NLRP4: variants seen among roughly 807,000 people sequenced by gnomAD.
The protein encoded by NLRP4 is NACHT, LRR and PYD domains-containing protein 4.
A neutral mutation model predicts 84.7 loss-of-function variants in NLRP4; 44 were observed. The ratio of observed to expected loss-of-function variants is 0.52; its 90% confidence interval spans 0.41 to 0.67. The LOEUF (loss-of-function observed/expected upper bound fraction) is 0.67, where lower values mean the gene tolerates loss of function less well. Among genes scored for constraint, NLRP4 ranks in the 30% least tolerant of loss-of-function variants. The pLI, the probability that NLRP4 is intolerant of heterozygous loss-of-function variation, is 0.00. For synonymous variants in NLRP4, 544 were observed against 476.4 expected, an observed-to-expected ratio of 1.14 and a Z score of -1.85; for missense variants, 1,260 against 1,219.4, an observed-to-expected ratio of 1.03 and a Z score of -0.50.
Position 55,859,143 on chromosome 19 carries a change from G to A in NLRP4, c.1750G>A (p.Val584Met), listed in dbSNP as rs759792648. 2.5e-6 allele frequency: 4 copies of A among 1,613,722 alleles called. No individual in the cohort carries two copies. Among genetic ancestry groups the A allele is most frequent in the East Asian group, 2.2e-5 (1 of 44,868 alleles). ...AGCTAACTTTCATATTATTGACAAC[G>A]TGGACTTGGTGGTTTCTGCCTACTG... ...QEANFHIIDN[V>M]DLVVSAYCLK... The change falls in exon 3 of 10, where the codon GTG becomes ATG. Residue 584 changes from valine to methionine, a missense_variant. By Grantham distance (21) the Val-to-Met change is conservative (BLOSUM62 1). Coordinates refer to ENST00000301295, the MANE Select transcript of NLRP4 (RefSeq NM_134444.5).
At chr19:55,848,966 G>A (rs903479517) in intron 1 of NLRP4, among the ~76,000 whole-genome samples, 18 of 152,068 alleles carry the variant, frequency 1.2e-4, no homozygotes, top group Non-Finnish European at 2.6e-4. Flanking sequence ...TGTAAGATGT[G>A]CCTTTTGCCT....
intron 4 of NLRP4, among the ~76,000 whole-genome samples, 167 bp from the exon 5 acceptor site, chr19:55,861,825 C>T (rs1370102108): frequency 6.6e-6 from 1 of 152,186 alleles, no homozygotes; most frequent in Non-Finnish European, 1.5e-5. Context: ...ACACTGCCAG[C>T]TGTCCCTTGT....
chr19:55,865,971 A>G (rs773895501), intron 5 of NLRP4, among the ~76,000 whole-genome samples: 1 of 152,164 alleles, frequency 6.6e-6, no homozygotes, highest in African/African-American at 2.4e-5. Context: ...CTTTTGGTGC[A>G]ATTGCTACGA....
rs543572999 is a variant in NLRP4 at position 55,859,014 on chromosome 19, C to G, written c.1621C>G (p.Arg541Gly). ...IHQCLKSLGE[R>G]GNPQGQVDSL... ...CCAGTGCCTGAAGAGCTTAGGGGAG[C>G]GTGGCAATCCTCAGGGACAGGTGGA... The change falls in exon 3 of 10, where the codon CGT (arginine) becomes GGT (glycine). Residue 541 changes from arginine (R) to glycine (G), a missense_variant. Coordinates refer to ENST00000301295, the MANE Select transcript of NLRP4 (RefSeq NM_134444.5). 6.2e-7 allele frequency: 1 copy of G among 1,614,080 alleles called. No individual in the cohort carries two copies. The highest frequency in any genetic ancestry group is 8.5e-7 in the Non-Finnish European group (1 of 1,179,992).
At chr19:55,868,312 A>G (rs925908513) in intron 6 of NLRP4, among the ~76,000 whole-genome samples, 2 of 152,138 alleles carry the variant, frequency 1.3e-5, no homozygotes, top group Admixed American at 1.3e-4. Context: ...ACTATAATAC[A>G]TGTGATGTTC....
At chr19:55,850,005 ATTTCCGAGACTGCGGTGTG>A (rs1210236098) in intron 1 of NLRP4, among the ~76,000 whole-genome samples, 47 of 46,106 alleles carry the variant, frequency 1.0e-3, no homozygotes, top group Non-Finnish European at 2.4e-3. Flanking sequence ...CTGCGGTGTG[ATTTCCGAGACTGCGGTGTG>A]ATTTCCGAGA....
At chr19:55,838,683 C>T (rs1001512349) in intron 1 of NLRP4, among the ~76,000 whole-genome samples, 1 of 152,080 alleles carries the variant, frequency 6.6e-6, no homozygotes, top group Admixed American at 6.5e-5. Flanking sequence ...TATATGGTGT[C>T]CCTCTACTCT....
intron 7 of NLRP4, among the ~76,000 whole-genome samples, chr19:55,872,221 T>TA (rs1327007400): frequency 7.9e-5 from 12 of 152,026 alleles, no homozygotes; most frequent in African/African-American, 2.4e-4. Context: ...TAAGACGTAT[T>TA]AAAAAAACAC....
intron 7 of NLRP4, among the ~76,000 whole-genome samples, chr19:55,875,871 A>T (rs1600243330): frequency 6.6e-6 from 1 of 151,830 alleles, no homozygotes; most frequent in Non-Finnish European, 1.5e-5. Context: ...TCTACTGAAA[A>T]AAAAAAAAAT....
In NLRP4 at chr19:55,881,463, T is replaced by C. The variant is rs1328436135; in HGVS notation, c.2868-7T>C. 1 of 1,426,366 alleles carries C rather than the reference T, an allele frequency of 7.0e-7. No individual in the cohort carries two copies. The highest frequency in any genetic ancestry group is 1.7e-5 in the Admixed American group (1 of 57,532). The allele number at this position is 1,426,366 out of a possible 1,614,324, so 88.4% of individuals were successfully genotyped here. On this transcript the variant is annotated splice_polypyrimidine_tract_variant and splice_region_variant and intron_variant, in intron 9 of 9. Transcript: ENST00000301295. The stretch of plus-strand genomic sequence containing the variant: ...TAAAAATAGAACCTCTTAAAATATT[T>C]TACCAGGCTGAGAAAAACTGATTTT...
chr19:55,877,593 G>T (rs1024639374), intron 8 of NLRP4, among the ~76,000 whole-genome samples: 2 of 152,156 alleles, frequency 1.3e-5, no homozygotes, highest in Non-Finnish European at 1.5e-5. Context: ...GGACTGGGTG[G>T]CTTAGGTAAT....
chr19:55,843,358 T>C (rs542243779), intron 1 of NLRP4, among the ~76,000 whole-genome samples: 6 of 152,294 alleles, frequency 3.9e-5, no homozygotes, highest in Admixed American at 3.9e-4. Flanking sequence ...TTATTGGGCT[T>C]CTTAATTAGT....
chr19:55,854,939 G>A (rs1984353217), intron 2 of NLRP4, among the ~76,000 whole-genome samples: 1 of 152,194 alleles, frequency 6.6e-6, no homozygotes, highest in South Asian at 2.1e-4. Flanking sequence ...GGCCAGGCTG[G>A]TGTTGAACTG....
intron 2 of NLRP4, 101 bp from the exon 3 acceptor site, chr19:55,857,573 G>A (rs755017004): frequency 9.8e-6 from 11 of 1,122,828 alleles, no homozygotes; most frequent in Admixed American, 2.1e-5. Flanking sequence ...GGGCCACAGT[G>A]TGTAGACCCC....
At chr19:55,870,681 G>A (rs1600239718) in intron 6 of NLRP4, 146 bp from the exon 7 acceptor site, 1 of 597,008 alleles carries the variant, frequency 1.7e-6, no homozygotes, top group East Asian at 2.8e-5. Context: ...TAAATGAGAG[G>A]AGGTGTTTTC....
Position 55,852,266 on chromosome 19 carries a change from C to T in NLRP4, c.186C>T (p.His62=), listed in dbSNP as rs952373498. 1 of 1,606,936 alleles carries T rather than the reference C, an allele frequency of 6.2e-7. No individual in the cohort carries two copies. Among genetic ancestry groups the T allele is most frequent in the African/African-American group, 1.3e-5 (1 of 74,498 alleles). ...REELANLLIK[H]YEEQQAWNIT... ...AACTTGCAAACCTCTTGATCAAGCA[C>T]TATGAAGAACAACAAGCTTGGAACA... The change falls in exon 2 of 10, where the codon CAC becomes CAT. Residue 62 remains histidine (H), a synonymous_variant. Coordinates refer to ENST00000301295, the MANE Select transcript of NLRP4 (RefSeq NM_134444.5).
In NLRP4 at chr19:55,881,442, A is replaced by T. The variant is rs760653629; in HGVS notation, c.2868-28A>T. 9.5e-6 allele frequency: 11 copies of T among 1,154,700 alleles called. No homozygotes were observed. In the Admixed American group the frequency reaches 1.2e-4, roughly 13 times the overall value. The allele number at this position is 1,154,700 out of a possible 1,614,324, so 71.5% of individuals were successfully genotyped here. The stretch of plus-strand genomic sequence containing the variant: ...AAAGGGAAAAAGTATGTGAATTAAA[A>T]ATAGAACCTCTTAAAATATTTTACC... On this transcript the variant is annotated intron_variant, in intron 9 of 9. Coordinates refer to ENST00000301295, the MANE Select transcript of NLRP4 (RefSeq NM_134444.5).
At chr19:55,877,887 T>TG (rs1985432005) in intron 8 of NLRP4, among the ~76,000 whole-genome samples, 1 of 152,188 alleles carries the variant, frequency 6.6e-6, no homozygotes, top group South Asian at 2.1e-4. Context: ...GATCACATTT[T>TG]GGGGTACTGG....
chr19:55,857,556 G>A, intron 2 of NLRP4, 118 bp from the exon 3 acceptor site: 5 of 833,658 alleles, frequency 6.0e-6, no homozygotes, highest in Non-Finnish European at 9.4e-6. Flanking sequence ...GACCAGGTTT[G>A]GCCTGGGGGC....
Sources: allele counts gnomAD v4.1 joint callset (sites outside exome capture counted in the v4.1 genomes callset), GRCh38; gene constraint gnomAD v4.1.1; transcripts MANE v1.5; gene names NCBI Gene and HGNC (gene_info 2026-07-23, HGNC 2026-07-21).